Variants in CAT observed in about 807,000 individuals in gnomAD.
The protein encoded by CAT is catalase.
Under a neutral mutation model 59.0 loss-of-function variants are expected in CAT, and 43 were observed. That is an observed-to-expected ratio of 0.73 (90% CI 0.57 to 0.94). CAT has a LOEUF of 0.94. Ranked by LOEUF, CAT falls within the 40% of genes least tolerant of loss-of-function variation. The pLI is 0.00. For synonymous variants in CAT, 218 were observed against 230.9 expected (o/e 0.94, Z 0.51); for missense variants, 664 against 682.9 (o/e 0.97, Z 0.31).
At chr11:34,458,742 C>T (rs1856616999) in intron 8 of CAT, among the ~76,000 whole-genome samples, 1 of 152,172 alleles carries the variant, frequency 6.6e-6, no homozygotes, top group Non-Finnish European at 1.5e-5. Flanking sequence ...CACAGTGGGA[C>T]CGTGAGGCAG....
chr11:34,439,343 A>C (rs919782192), intron 1 of CAT, among the ~76,000 whole-genome samples: 30 of 152,178 alleles, frequency 2.0e-4, no homozygotes, highest in African/African-American at 6.5e-4. Flanking sequence ...ACTTTTGCCA[A>C]CTGGGACAGA....
At position 34,449,373 on chromosome 11, in the gene CAT, G is replaced by C. The variant is rs777082279; in HGVS notation, c.238+10G>C. ...CATGCTAAAGGAGCAGGTAAGTGCT[G>C]TGTTTATTTGCTGTAAAAAGATTGT... On this transcript the variant is annotated intron_variant, in intron 2 of 12. Coordinates refer to ENST00000241052, the MANE Select transcript of CAT (RefSeq NM_001752.4). The C allele has an allele frequency of 2.5e-6, 4 of 1,612,414 alleles. No homozygotes were observed. The South Asian group carries it at 4.4e-5, about 18-fold the overall frequency.
At chr11:34,462,602 T>C (rs1856663681) in intron 9 of CAT, among the ~76,000 whole-genome samples, 1 of 152,088 alleles carries the variant, frequency 6.6e-6, no homozygotes, top group African/African-American at 2.4e-5. Flanking sequence ...TTTGTATTTT[T>C]AGTAGAGACA....
Position 34,471,683 on chromosome 11 carries a change from A to T in CAT, c.*250A>T. 1.9e-6 allele frequency: 1 copy of T among 513,132 alleles called. No homozygotes were observed. The highest frequency in any genetic ancestry group is 3.5e-6 in the Non-Finnish European group (1 of 285,202). 31.8% of individuals were successfully genotyped at this position (513,132 alleles called of 1,614,324 possible). On this transcript the variant is annotated 3_prime_UTR_variant, in exon 13 of 13. Coordinates refer to ENST00000241052, the MANE Select transcript of CAT (RefSeq NM_001752.4). ...ACGGATGATTGGATTATTCATTTAA[A>T]ATGATTAGAAGGCAAGTTTCTAGCT...
chr11:34,472,000 C>T lies in CAT; in HGVS notation c.*567C>T, dbSNP rs1202654640. ...ATTAATGTTAATTCAGCACTGATTTCACAACAGATCAATTTGTAATTGCTT... is the reference window on the plus strand; with the variant it reads ...ATTAATGTTAATTCAGCACTGATTTTACAACAGATCAATTTGTAATTGCTT... On this transcript the variant is annotated 3_prime_UTR_variant, in exon 13 of 13. Coordinates refer to ENST00000241052, the MANE Select transcript of CAT (RefSeq NM_001752.4). 1 of 157,202 alleles carries T rather than the reference C, an allele frequency of 6.4e-6. No homozygotes were observed. Among genetic ancestry groups the T allele is most frequent in the Non-Finnish European group, 1.4e-5 (1 of 70,898 alleles). The allele number at this position is 157,202 out of a possible 1,614,324, so 9.7% of individuals were successfully genotyped here.
intron 7 of CAT, 51 bp downstream of exon 7, chr11:34,456,253 T>A: frequency 7.2e-7 from 1 of 1,387,482 alleles, no homozygotes; most frequent in Non-Finnish European, 1.0e-6. Context: ...TCTTCTTACC[T>A]AATTAGAAAA....
intron 2 of CAT, 81 bp from the exon 3 acceptor site, chr11:34,450,907 C>T (rs969490988): frequency 1.1e-6 from 1 of 919,848 alleles, no homozygotes; most frequent in African/African-American, 1.6e-5. Flanking sequence ...ATCATTTTCT[C>T]TTGTCACCCA....
chr11:34,461,414 C>G (rs574856611), intron 9 of CAT, 25 bp downstream of exon 9: 1 of 1,613,984 alleles, frequency 6.2e-7, no homozygotes, highest in East Asian at 2.2e-5. Context: ...GTTGGGCTCC[C>G]CCTGCGTGGG....
At chr11:34,465,927 A>C (rs1187791745) in intron 10 of CAT, among the ~76,000 whole-genome samples, 3 of 152,222 alleles carry the variant, frequency 2.0e-5, no homozygotes, top group African/African-American at 7.2e-5. Context: ...CAGGAAAAAA[A>C]AGTGCAGTGA....
chr11:34,451,695 C>T (rs1229853521), intron 3 of CAT, among the ~76,000 whole-genome samples: 1 of 152,148 alleles, frequency 6.6e-6, no homozygotes, highest in Non-Finnish European at 1.5e-5. Context: ...TATTTTAACT[C>T]ATTTTCTTAA....
At chr11:34,447,646 A>G (rs1476943339) in intron 1 of CAT, among the ~76,000 whole-genome samples, 1 of 151,982 alleles carries the variant, frequency 6.6e-6, no homozygotes, top group Non-Finnish European at 1.5e-5. Flanking sequence ...ATGGAGGAGT[A>G]TGCATCTGTC....
In CAT at chr11:34,452,122, T is replaced by A; in HGVS notation, c.395T>A (p.Phe132Tyr). Residue 132 changes from phenylalanine to tyrosine, a missense_variant, in exon 4 of 13, where the codon TTT becomes TAT. Physicochemically the swap from Phe to Tyr is conservative, Grantham distance 22. Coordinates refer to ENST00000241052, the MANE Select transcript of CAT (RefSeq NM_001752.4). ...SADTVRDPRG[F>Y]AVKFYTEDGN... Reference sequence around the variant, plus strand: ...GACACAGTTCGGGACCCTCGTGGGTTTGCAGTGAAATTTTACACAGAAGAT... The same window carrying A: ...GACACAGTTCGGGACCCTCGTGGGTATGCAGTGAAATTTTACACAGAAGAT... The A allele has an allele frequency of 6.2e-7, 1 of 1,613,908 alleles. No homozygotes were observed. Among genetic ancestry groups the A allele is most frequent in the Non-Finnish European group, 8.5e-7 (1 of 1,179,822 alleles).
chr11:34,444,683 T>C (rs1243621871), intron 1 of CAT, among the ~76,000 whole-genome samples: 1 of 152,226 alleles, frequency 6.6e-6, no homozygotes, highest in Admixed American at 6.5e-5. Context: ...TGGAAGAATA[T>C]GTTTAGGTTC....
At chr11:34,453,357 C>T (rs948658600) in intron 5 of CAT, among the ~76,000 whole-genome samples, 163 bp downstream of exon 5, 4 of 152,088 alleles carry the variant, frequency 2.6e-5, no homozygotes, top group Non-Finnish European at 4.4e-5. Context: ...ACTAATCATC[C>T]CCCATTCATC....
At chr11:34,461,106 A>C in intron 8 of CAT, 145 bp from the exon 9 acceptor site, 1 of 877,532 alleles carries the variant, frequency 1.1e-6, no homozygotes, top group South Asian at 1.3e-5. Context: ...TAGAGGCTTC[A>C]CTCTTAAGTA....
chr11:34,471,402 A>G lies in CAT; in HGVS notation c.1553A>G (p.His518Arg). The G allele has an allele frequency of 1.2e-6, 2 of 1,613,826 alleles. No individual in the cohort carries two copies. The highest frequency in any genetic ancestry group is 1.7e-6 in the Non-Finnish European group (2 of 1,179,720). Reference sequence around the variant, plus strand: ...CACACCTTTGTGCAGTCCGGATCTCACTTGGCGGCAAGGGAGAAGGCAAAT... The same window carrying G: ...CACACCTTTGTGCAGTCCGGATCTCGCTTGGCGGCAAGGGAGAAGGCAAAT... ...AIHTFVQSGSHLAAREKANL is the reference protein window; with the variant it reads ...AIHTFVQSGSRLAAREKANL Residue 518 changes from histidine (H) to arginine (R), a missense_variant, in exon 13 of 13, where the codon CAC (histidine) becomes CGC (arginine). His to Arg is a conservative substitution (Grantham distance 29). Transcript: ENST00000241052.
At position 34,438,947 on chromosome 11, in the gene CAT, G is replaced by A; in HGVS notation, c.-67G>A. Reference sequence around the variant, plus strand: ...CGGACTCGGGGCAACAGGCAGATTTGCCTGCTGAGGGTGGAGACCCACGAG... The same window carrying A: ...CGGACTCGGGGCAACAGGCAGATTTACCTGCTGAGGGTGGAGACCCACGAG... On this transcript the variant is annotated 5_prime_UTR_variant, in exon 1 of 13. Transcript: ENST00000241052. 11 of 1,396,962 alleles carry A rather than the reference G, an allele frequency of 7.9e-6. No individual in the cohort carries two copies. The highest frequency in any genetic ancestry group is 1.1e-5 in the Non-Finnish European group (11 of 1,005,864). 86.5% of individuals were successfully genotyped at this position (1,396,962 alleles called of 1,614,324 possible).
chr11:34,453,379 A>G (rs929981388), intron 5 of CAT, among the ~76,000 whole-genome samples, 185 bp downstream of exon 5: 1 of 152,014 alleles, frequency 6.6e-6, no homozygotes, highest in African/African-American at 2.4e-5. Context: ...GCCTTAAATG[A>G]TGATGATGAT....
intron 10 of CAT, among the ~76,000 whole-genome samples, chr11:34,464,848 T>G (rs1004965896): frequency 1.3e-5 from 2 of 152,110 alleles, no homozygotes; most frequent in African/African-American, 4.8e-5. Context: ...ATTACTTTTT[T>G]TTTTTGGACC....
Sources: gnomAD v4.1 joint callset for allele counts (sites outside exome capture counted in the v4.1 genomes callset) on GRCh38, gnomAD v4.1.1 for gene constraint, MANE v1.5 for transcripts, NCBI Gene and HGNC (gene_info 2026-07-23, HGNC 2026-07-21) for gene names.